The following DENND3 variants were observed in gnomAD, a reference collection of about 807,000 sequenced individuals.
The protein encoded by DENND3 is DENN domain containing 3.
A neutral mutation model predicts 135.1 loss-of-function variants in DENND3; 88 were observed. The observed-to-expected ratio is 0.65, with a 90% CI of 0.55 to 0.78. DENND3 has a LOEUF of 0.78. Ranked by LOEUF, DENND3 falls within the 30% of genes least tolerant of loss-of-function variation. The probability of loss-of-function intolerance (pLI) is 0.00; values close to 1 mark genes in which losing one functional copy is unlikely to be tolerated. For synonymous variants in DENND3, 693 were observed against 712.3 expected (o/e 0.97, Z 0.43); for missense variants, 1,392 against 1,688.4 (o/e 0.82, Z 3.08).
Position 141,180,863 on chromosome 8 carries a change from C to T in DENND3, c.2944+9C>T, listed in dbSNP as rs1823006854. 6.2e-7 allele frequency: 1 copy of T among 1,606,018 alleles called. No homozygotes were observed. The highest frequency in any genetic ancestry group is 1.1e-5 in the South Asian group (1 of 89,778). On this transcript the variant is annotated intron_variant, in intron 17 of 22. Transcript: ENST00000519811. ...GCTGCTCTACACTCCAGGTAAGGCC[C>T]CTCTGCCCGCGCCTCGCTGCCAGTT...
intron 8 of DENND3, chr8:141,158,429 A>G (rs1214982101): frequency 8.8e-7 from 1 of 1,134,862 alleles, no homozygotes; most frequent in East Asian, 7.8e-5. Context: ...AGAATTCCGG[A>G]ATAGAAACAC....
chr8:141,180,287 G>A (rs1247119988), intron 16 of DENND3, among the ~76,000 whole-genome samples: 4 of 152,314 alleles, frequency 2.6e-5, no homozygotes, highest in East Asian at 1.9e-4. Flanking sequence ...AGCCCAACAC[G>A]CCCCTGGTTC....
chr8:141,188,791 G>T, intron 18 of DENND3, 195 bp from the exon 19 acceptor site: 1 of 618,312 alleles, frequency 1.6e-6, no homozygotes, highest in Non-Finnish European at 2.7e-6. Context: ...AACAGAGCAC[G>T]CGGAGAACAA....
In DENND3 at chr8:141,175,193, A is replaced by G. The variant is rs988422428; in HGVS notation, c.2276-7A>G. The stretch of plus-strand genomic sequence containing the variant: ...AGATACCTCTCTTTTCTTCTTATCA[A>G]ACTAAGGACAGGAGAAACAAATCGA... On this transcript the variant is annotated splice_polypyrimidine_tract_variant and splice_region_variant and intron_variant, in intron 13 of 22. Coordinates refer to ENST00000519811, the MANE Select transcript of DENND3 (RefSeq NM_001352890.3). This position sits in a 1 kb window ranked among gnomAD's most constrained non-coding sequence, Gnocchi z 5.4. 2 of 1,609,708 alleles carry G rather than the reference A, an allele frequency of 1.2e-6. No homozygotes were observed. The highest frequency in any genetic ancestry group is 2.2e-5 in the East Asian group (1 of 44,794).
chr8:141,178,029 A>G (rs756548323), intron 15 of DENND3, 38 bp from the exon 16 acceptor site: 1 of 1,577,816 alleles, frequency 6.3e-7, no homozygotes, highest in East Asian at 2.3e-5. Context: ...GATCTTAGTG[A>G]TTCTTGCTGT....
chr8:141,163,010 C>T (rs976257271), intron 9 of DENND3, among the ~76,000 whole-genome samples: 6 of 152,224 alleles, frequency 3.9e-5, no homozygotes, highest in African/African-American at 1.2e-4. Flanking sequence ...GGCTGCCCCT[C>T]TGGGCTCCCC....
At chr8:141,185,564 C>T in intron 18 of DENND3, 1 of 303,258 alleles carries the variant, frequency 3.3e-6, no homozygotes, top group Admixed American at 4.3e-5. Flanking sequence ...GGGGCTCACA[C>T]CTCTAATCTC....
In DENND3 at chr8:141,182,569, C is replaced by A; in HGVS notation, c.2944+1715C>A. On this transcript the variant is annotated intron_variant, in intron 17 of 22. Coordinates refer to ENST00000519811, the MANE Select transcript of DENND3 (RefSeq NM_001352890.3). The surrounding 1 kb of genome is among the most constrained non-coding windows in gnomAD (Gnocchi z 5.9). Reference sequence around the variant, plus strand: ...TGTGACGGGCGAGGAGTTCAGGCGGCTTCCCCTCCAGGAGCATCTCGAAGG... The same window carrying A: ...TGTGACGGGCGAGGAGTTCAGGCGGATTCCCCTCCAGGAGCATCTCGAAGG... 1.1e-6 allele frequency: 1 copy of A among 885,596 alleles called. No homozygotes were observed. Among genetic ancestry groups the A allele is most frequent in the Non-Finnish European group, 1.4e-6 (1 of 739,390 alleles). 54.9% of individuals were successfully genotyped at this position (885,596 alleles called of 1,614,324 possible).
intron 7 of DENND3, among the ~76,000 whole-genome samples, chr8:141,155,633 C>T (rs1241321701): frequency 6.6e-6 from 1 of 152,112 alleles, no homozygotes; most frequent in Admixed American, 6.5e-5. Context: ...TCTCAAACTC[C>T]TGGGCTCAAG....
chr8:141,150,457 C>A, intron 5 of DENND3: 1 of 474,028 alleles, frequency 2.1e-6, no homozygotes, highest in Non-Finnish European at 3.3e-6. Flanking sequence ...ATAGCATACA[C>A]TAACTAAAAA....
chr8:141,170,287 C>A (rs1821357177), intron 13 of DENND3, among the ~76,000 whole-genome samples: 1 of 152,176 alleles, frequency 6.6e-6, no homozygotes, highest in Non-Finnish European at 1.5e-5. Context: ...GGCTGTGAAA[C>A]AAGCGCTGCG....
intron 9 of DENND3, among the ~76,000 whole-genome samples, chr8:141,162,861 C>T (rs1044292077): frequency 6.6e-6 from 1 of 152,196 alleles, no homozygotes; most frequent in African/African-American, 2.4e-5. Context: ...TTGCAGTGAG[C>T]CAAGATTGTG....
chr8:141,143,990 G>A (rs1712744935), intron 4 of DENND3, 158 bp from the exon 5 acceptor site: 3 of 603,358 alleles, frequency 5.0e-6, no homozygotes, highest in Non-Finnish European at 8.6e-6. Context: ...GGGCCACTCT[G>A]CTGTCACCCA....
chr8:141,163,039 T>C (rs928974850), intron 9 of DENND3, among the ~76,000 whole-genome samples: 1 of 152,206 alleles, frequency 6.6e-6, no homozygotes, highest in African/African-American at 2.4e-5. Context: ...CTCAGTTTCA[T>C]GTGTGTGGAC....
chr8:141,152,837 A>G (rs1818968524), intron 7 of DENND3, among the ~76,000 whole-genome samples: 1 of 152,126 alleles, frequency 6.6e-6, no homozygotes, highest in Non-Finnish European at 1.5e-5. Context: ...GTTTTCGCAA[A>G]GCGGCCGTGC....
chr8:141,131,929 G>C (rs571967618), intron 1 of DENND3, among the ~76,000 whole-genome samples: 5 of 152,216 alleles, frequency 3.3e-5, no homozygotes, highest in Admixed American at 6.5e-5. Context: ...GTATCACCAA[G>C]TAACCTTGGA....
chr8:141,151,638 CG>C lies in DENND3; in HGVS notation c.877del (p.Glu293AsnfsTer14). The C allele has an allele frequency of 6.2e-7, 1 of 1,613,968 alleles. No individual in the cohort carries two copies. Among genetic ancestry groups the C allele is most frequent in the Non-Finnish European group, 8.5e-7 (1 of 1,180,006 alleles). On this transcript the variant is annotated frameshift_variant, in exon 7 of 23. Coordinates refer to ENST00000519811, the MANE Select transcript of DENND3 (RefSeq NM_001352890.3). LOFTEE classifies it high-confidence loss of function. ...KVLQILTCIL[T>X]EQRIVFFSSD... ...CCTCAGATCCTGACATGCATCCTGA[CG>C]GAACAGCGGATCGTCTTCTTCTCCT...
chr8:141,184,328 G>A (rs952503315), intron 17 of DENND3, among the ~76,000 whole-genome samples: 1 of 152,120 alleles, frequency 6.6e-6, no homozygotes, highest in Admixed American at 6.5e-5. Context: ...CCAGAACACC[G>A]GAACAGCTGG....
intron 7 of DENND3, among the ~76,000 whole-genome samples, chr8:141,155,209 C>G (rs1819295340): frequency 6.6e-6 from 1 of 152,022 alleles, no homozygotes; most frequent in Non-Finnish European, 1.5e-5. Flanking sequence ...TGCACAACCA[C>G]TCGAATGCAC....
Sources: allele counts gnomAD v4.1 joint callset (sites outside exome capture counted in the v4.1 genomes callset), GRCh38; gene constraint gnomAD v4.1.1; non-coding constraint Gnocchi (gnomAD v3.1); transcripts MANE v1.5; gene names NCBI Gene and HGNC (gene_info 2026-07-23, HGNC 2026-07-21).